Variants in CSMD1 observed in about 807,000 individuals in gnomAD.
CSMD1 encodes CUB and Sushi multiple domains 1.
Under a neutral mutation model 417.5 loss-of-function variants are expected in CSMD1, and 213 were observed. The observed-to-expected ratio is 0.51, with a 90% CI of 0.46 to 0.57. CSMD1 has a LOEUF of 0.57. CSMD1 is among the 20% of genes least tolerant of loss of function. The probability of loss-of-function intolerance (pLI) is 0.00; values close to 1 mark genes in which losing one functional copy is unlikely to be tolerated. For synonymous variants in CSMD1, 2,862 were observed against 1,736.8 expected (o/e 1.65, Z -16.11); for missense variants, 6,923 against 4,529.7 (o/e 1.53, Z -15.17).
chr8:3,291,022 T>G (rs1260888226), intron 25 of CSMD1, among the ~76,000 whole-genome samples: 1 of 152,074 alleles, frequency 6.6e-6, no homozygotes, highest in Non-Finnish European at 1.5e-5. Context: ...TTTTTGAGAG[T>G]TTTTAGCATG....
chr8:4,111,109 C>A (rs1207245739), intron 3 of CSMD1, among the ~76,000 whole-genome samples: 2 of 150,384 alleles, frequency 1.3e-5, no homozygotes, highest in African/African-American at 5.0e-5. Flanking sequence ...ATTCCTTCTA[C>A]AAAGTTTTGT....
intron 41 of CSMD1, among the ~76,000 whole-genome samples, chr8:3,131,678 G>T (rs1023512105): frequency 6.6e-6 from 1 of 151,956 alleles, no homozygotes; most frequent in African/African-American, 2.4e-5. Context: ...TGCCATGTTG[G>T]TCAGGCTGGT....
chr8:4,092,558 A>G (rs1044203886), intron 3 of CSMD1, among the ~76,000 whole-genome samples: 1 of 152,238 alleles, frequency 6.6e-6, no homozygotes, highest in African/African-American at 2.4e-5. Flanking sequence ...TTTTAAAGAA[A>G]TGTGATTCTC....
intron 4 of CSMD1, among the ~76,000 whole-genome samples, chr8:4,022,777 G>A (rs546410505): frequency 2.6e-5 from 4 of 152,262 alleles, no homozygotes; most frequent in East Asian, 3.9e-4. Flanking sequence ...GAAAACAATT[G>A]TATTCCACAT....
chr8:4,949,537 C>T lies in CSMD1; in HGVS notation c.85+44795G>A, dbSNP rs190262122. ...CAGGGGATATGCTGCAATGTCCAGA[C>T]GTGCTTAGTTGTTGCATGTCACATC... is the stretch of plus-strand genomic sequence containing the variant. On this transcript the variant is annotated intron_variant, in intron 1 of 69. Transcript: ENST00000635120. 2.8e-3 allele frequency among the ~76,000 whole-genome samples: 422 copies of T among 152,272 alleles called. 3 individuals carry two copies. The highest frequency in any genetic ancestry group is 0.01 in the Middle Eastern group (3 of 294).
intron 4 of CSMD1, among the ~76,000 whole-genome samples, chr8:4,019,214 G>C (rs1270493862): frequency 6.6e-6 from 1 of 152,184 alleles, no homozygotes; most frequent in African/African-American, 2.4e-5. Flanking sequence ...ATAAACCTGA[G>C]AGAGGCTCCT....
intron 52 of CSMD1, among the ~76,000 whole-genome samples, chr8:3,002,198 G>A (rs1451465731): frequency 6.6e-6 from 1 of 152,190 alleles, no homozygotes; most frequent in South Asian, 2.1e-4. Context: ...ACGTCGATGA[G>A]GGTGAATGTT....
At chr8:4,128,495 C>T (rs1009587556) in intron 3 of CSMD1, among the ~76,000 whole-genome samples, 6 of 150,426 alleles carry the variant, frequency 4.0e-5, no homozygotes, top group Admixed American at 2.0e-4. Context: ...TTAAAACAAC[C>T]AAACAAACAA....
chr8:3,918,797 G>A (rs62480122), intron 5 of CSMD1, among the ~76,000 whole-genome samples: 11,314 of 152,142 alleles, frequency 0.074, 493 homozygotes, highest in South Asian at 0.14. Flanking sequence ...AACATTTTAT[G>A]TTCTCATTCA....
intron 3 of CSMD1, among the ~76,000 whole-genome samples, chr8:4,086,099 C>T (rs987442535): frequency 6.6e-6 from 1 of 152,118 alleles, no homozygotes; most frequent in Non-Finnish European, 1.5e-5. Flanking sequence ...CTCATTTTTC[C>T]TACTAGTTAT....
At chr8:3,224,184 C>A (rs1164374084) in intron 27 of CSMD1, among the ~76,000 whole-genome samples, 1 of 152,172 alleles carries the variant, frequency 6.6e-6, no homozygotes, top group Non-Finnish European at 1.5e-5. Flanking sequence ...ATGACTTAAT[C>A]CCCATACCTG....
At chr8:4,434,487 G>T (rs1389787288) in intron 2 of CSMD1, among the ~76,000 whole-genome samples, 1 of 152,110 alleles carries the variant, frequency 6.6e-6, no homozygotes, top group Non-Finnish European at 1.5e-5. Context: ...CAGAAGGAAA[G>T]AAACAACAAA....
intron 10 of CSMD1, among the ~76,000 whole-genome samples, chr8:3,536,761 T>C (rs1044097000): frequency 3.3e-5 from 5 of 152,186 alleles, no homozygotes; most frequent in South Asian, 2.1e-4. Context: ...AAAGTGTCCA[T>C]TGTGTGGAAG....
intron 3 of CSMD1, among the ~76,000 whole-genome samples, chr8:4,211,837 G>C (rs1489481448): frequency 6.6e-6 from 1 of 152,124 alleles, no homozygotes; most frequent in African/African-American, 2.4e-5. Context: ...AGGAGTCTTT[G>C]AGGGTGAGAA....
At chr8:3,927,986 G>T (rs958446379) in intron 5 of CSMD1, among the ~76,000 whole-genome samples, 1 of 151,952 alleles carries the variant, frequency 6.6e-6, no homozygotes, top group African/African-American at 2.4e-5. Context: ...TTATATTGAA[G>T]AATATGATGG....
At chr8:4,601,479 A>T (rs1800578863) in intron 2 of CSMD1, among the ~76,000 whole-genome samples, 1 of 152,140 alleles carries the variant, frequency 6.6e-6, no homozygotes, top group Admixed American at 6.5e-5. Flanking sequence ...TTGGTAGGAC[A>T]GGTGTGATAT....
intron 2 of CSMD1, among the ~76,000 whole-genome samples, chr8:4,486,184 T>TAC (rs1801387783): frequency 6.1e-5 from 1 of 16,480 alleles, no homozygotes; most frequent in Non-Finnish European, 1.1e-4. Context: ...TACATACATA[T>TAC]ATATATATAT....
intron 3 of CSMD1, among the ~76,000 whole-genome samples, chr8:4,153,508 T>C (rs1011055688): frequency 5.9e-5 from 9 of 152,204 alleles, no homozygotes; most frequent in Admixed American, 2.0e-4. Flanking sequence ...CTGCTCACAA[T>C]TGTTGAATTA....
At chr8:3,186,518 G>T (rs895680803) in intron 36 of CSMD1, among the ~76,000 whole-genome samples, 8 of 152,150 alleles carry the variant, frequency 5.3e-5, no homozygotes, top group Non-Finnish European at 7.4e-5. Flanking sequence ...GGTTTTATTT[G>T]CTGAGAACCA....
Sources: gnomAD v4.1 joint callset for allele counts (sites outside exome capture counted in the v4.1 genomes callset) on GRCh38, gnomAD v4.1.1 for gene constraint, MANE v1.5 for transcripts, NCBI Gene and HGNC (gene_info 2026-07-23, HGNC 2026-07-21) for gene names.